STPG2: variants seen among roughly 807,000 people sequenced by gnomAD.
STPG2 encodes sperm tail PG-rich repeat containing 2.
Under a neutral mutation model 54.2 loss-of-function variants are expected in STPG2, and 56 were observed. The observed-to-expected ratio is 1.03, with a 90% confidence interval of 0.83 to 1.29. STPG2 has a LOEUF of 1.29. Ranked by LOEUF, STPG2 falls within the 50% of genes most tolerant of loss-of-function variation. STPG2 has a pLI of 0.00. For missense variants in STPG2, 596 were observed against 544.9 expected (o/e 1.09, Z -0.93); for synonymous variants, 200 against 181.8 (o/e 1.10, Z -0.81).
chr4:97,764,400 T>C (rs1026218471), intron 9 of STPG2, among the ~76,000 whole-genome samples: 2 of 152,206 alleles, frequency 1.3e-5, no homozygotes, highest in African/African-American at 4.8e-5. Flanking sequence ...GTTGGGGCTA[T>C]ATGAATTTCG....
chr4:97,841,040 C>A (rs1193728749), intron 8 of STPG2, 108 bp from the exon 9 acceptor site: 48 of 1,024,472 alleles, frequency 4.7e-5, no homozygotes, highest in Non-Finnish European at 6.4e-5. Context: ...AATCCTAATA[C>A]TTTTATTAAT....
At chr4:97,640,020 A>G (rs960503759) in intron 10 of STPG2, among the ~76,000 whole-genome samples, 1 of 152,112 alleles carries the variant, frequency 6.6e-6, no homozygotes, top group Non-Finnish European at 1.5e-5. Flanking sequence ...ATATAGTACA[A>G]GAGATAAATA....
chr4:97,896,353 C>A (rs1025298029), intron 8 of STPG2, among the ~76,000 whole-genome samples: 1 of 151,734 alleles, frequency 6.6e-6, no homozygotes, highest in East Asian at 1.9e-4. Flanking sequence ...GCAAACATGT[C>A]AACTACCACT....
intron 10 of STPG2, among the ~76,000 whole-genome samples, chr4:97,694,812 C>CAAAAAAAAAAAAAAAAAAAAAA (rs70953083): frequency 2.3e-5 from 1 of 44,032 alleles, no homozygotes; most frequent in Non-Finnish European, 4.3e-5. Flanking sequence ...GACTCTGTCA[C>CAAAAAAAAAAAAAAAAAAAAAA]AAAAAAAAAA....
intron 9 of STPG2, among the ~76,000 whole-genome samples, chr4:97,771,091 T>G (rs572427612): frequency 2.4e-4 from 37 of 152,312 alleles, no homozygotes; most frequent in South Asian, 1.5e-3. Context: ...ATTCTATTAT[T>G]CAACTTTGGA....
intron 9 of STPG2, among the ~76,000 whole-genome samples, chr4:97,776,137 A>C (rs1289397772): frequency 6.6e-6 from 1 of 152,192 alleles, no homozygotes; most frequent in Non-Finnish European, 1.5e-5. Flanking sequence ...TTTCAGTAAA[A>C]ATTTTTAAAA....
intron 8 of STPG2, among the ~76,000 whole-genome samples, chr4:97,870,176 G>A (rs1389211958): frequency 6.6e-6 from 1 of 151,440 alleles, no homozygotes; most frequent in Non-Finnish European, 1.5e-5. Context: ...CAATATGTAT[G>A]TTCTTGATAA....
At chr4:97,658,397 C>A (rs1281561824) in intron 10 of STPG2, among the ~76,000 whole-genome samples, 1 of 152,152 alleles carries the variant, frequency 6.6e-6, no homozygotes, top group Non-Finnish European at 1.5e-5. Flanking sequence ...ATGCTTTTGA[C>A]AATATGCAGA....
intron 9 of STPG2, among the ~76,000 whole-genome samples, chr4:97,831,968 T>C (rs1001077513): frequency 2.0e-5 from 3 of 152,182 alleles, no homozygotes; most frequent in Non-Finnish European, 4.4e-5. Flanking sequence ...CCATTCCTTC[T>C]GAAACTATTG....
At chr4:97,465,578 C>A (rs1729768435) in intron 4 of STPG2, among the ~76,000 whole-genome samples, 1 of 151,920 alleles carries the variant, frequency 6.6e-6, no homozygotes, top group African/African-American at 2.4e-5. Flanking sequence ...TCTCTTGTAT[C>A]CATAGGGGAT....
At chr4:97,530,608 A>C (rs981016980) in intron 4 of STPG2, among the ~76,000 whole-genome samples, 3 of 152,222 alleles carry the variant, frequency 2.0e-5, no homozygotes, top group Non-Finnish European at 4.4e-5. Context: ...ACAAAGTAAG[A>C]TGGTGGAGTA....
At chr4:97,541,729 G>A (rs1003387078) in intron 4 of STPG2, among the ~76,000 whole-genome samples, 1 of 152,182 alleles carries the variant, frequency 6.6e-6, no homozygotes, top group Admixed American at 6.5e-5. Context: ...TATACTACAA[G>A]GCTACAGTAA....
intron 10 of STPG2, among the ~76,000 whole-genome samples, chr4:97,586,116 A>T (rs1732991661): frequency 6.6e-6 from 1 of 151,898 alleles, no homozygotes; most frequent in African/African-American, 2.4e-5. Flanking sequence ...AAAAAATATA[A>T]AATTTCAGCA....
intron 10 of STPG2, among the ~76,000 whole-genome samples, chr4:97,706,165 A>G (rs1435666991): frequency 2.0e-5 from 3 of 152,174 alleles, no homozygotes; most frequent in African/African-American, 7.2e-5. Flanking sequence ...TAATATATAA[A>G]GCATAGGAAG....
intron 8 of STPG2, among the ~76,000 whole-genome samples, chr4:97,921,889 G>C (rs939335398): frequency 2.0e-5 from 3 of 152,138 alleles, no homozygotes; most frequent in African/African-American, 7.2e-5. Flanking sequence ...AATGAACCTA[G>C]AGGACATTAT....
intron 8 of STPG2, among the ~76,000 whole-genome samples, chr4:97,887,243 A>G (rs1246307296): frequency 6.6e-6 from 1 of 152,186 alleles, no homozygotes; most frequent in African/African-American, 2.4e-5. Flanking sequence ...GAAGAGTGTG[A>G]AGGGCTCACA....
At chr4:97,650,546 T>G (rs778851664) in intron 10 of STPG2, among the ~76,000 whole-genome samples, 29 of 152,132 alleles carry the variant, frequency 1.9e-4, no homozygotes, top group Non-Finnish European at 3.8e-4. Context: ...TGACAATTGG[T>G]CGAGTTTGTC....
chr4:97,965,033 G>C (rs913420020), intron 7 of STPG2, among the ~76,000 whole-genome samples: 1 of 152,176 alleles, frequency 6.6e-6, no homozygotes, highest in African/African-American at 2.4e-5. Flanking sequence ...AAGTAGGACA[G>C]GGCATCACCT....
At chr4:97,964,717 G>A (rs1734026035) in intron 7 of STPG2, among the ~76,000 whole-genome samples, 2 of 152,090 alleles carry the variant, frequency 1.3e-5, no homozygotes, top group African/African-American at 2.4e-5. Flanking sequence ...TTTCTGGTTT[G>A]CTTTTCATTG....
Sources: allele counts gnomAD v4.1 joint callset (sites outside exome capture counted in the v4.1 genomes callset), GRCh38; gene constraint gnomAD v4.1.1; transcripts MANE v1.5; gene names NCBI Gene and HGNC (gene_info 2026-07-23, HGNC 2026-07-21).